The following HNF4G variants were observed in gnomAD, a reference collection of about 807,000 sequenced individuals.
HNF4G encodes hepatocyte nuclear factor 4-gamma.
HNF4G carries 21 observed loss-of-function variants against 50.9 expected under a neutral mutation model. The ratio of observed to expected loss-of-function variants is 0.41; its 90% CI spans 0.29 to 0.59. The LOEUF is 0.59. Among genes scored for constraint, HNF4G ranks in the 20% least tolerant of loss-of-function variants. HNF4G has a pLI of 0.26. For synonymous variants in HNF4G, 198 were observed against 185.6 expected (o/e 1.07, Z -0.54); for missense variants, 527 against 559.4 (o/e 0.94, Z 0.58).
chr8:75,519,011 A>G (rs1040779080), intron 2 of HNF4G, among the ~76,000 whole-genome samples: 1 of 152,164 alleles, frequency 6.6e-6, no homozygotes, highest in Non-Finnish European at 1.5e-5. Flanking sequence ...ATCTTTTTGA[A>G]TACATAAAAC....
chr8:75,422,233 G>A (rs1810792176), intron 1 of HNF4G, among the ~76,000 whole-genome samples: 1 of 152,112 alleles, frequency 6.6e-6, no homozygotes, highest in Non-Finnish European at 1.5e-5. Flanking sequence ...AATAATAATA[G>A]CTCTGTTGAA....
chr8:75,455,659 C>T (rs1811702532), intron 1 of HNF4G, among the ~76,000 whole-genome samples: 1 of 152,078 alleles, frequency 6.6e-6, no homozygotes, highest in African/African-American at 2.4e-5. Context: ...TTTGATTTTG[C>T]AGACACTCCA....
At chr8:75,414,688 T>C (rs943643889) in intron 1 of HNF4G, among the ~76,000 whole-genome samples, 8 of 152,264 alleles carry the variant, frequency 5.3e-5, no homozygotes, top group African/African-American at 1.7e-4. Flanking sequence ...TGTAATTATT[T>C]TGATATGCAT....
chr8:75,560,943 C>T (rs13281058), intron 9 of HNF4G, among the ~76,000 whole-genome samples: 11,820 of 152,138 alleles, frequency 0.078, 476 homozygotes, highest in Middle Eastern at 0.12. Context: ...AGTTGGTACA[C>T]TGTAATTAAA....
rs1812535037 is a variant in HNF4G at position 75,488,064 on chromosome 8, A to C, written c.-143-2025A>C. ...CCTCCCACCAGATCCCTCCCATGAC[A>C]TGTGGGGATTATGAAAACTACAATT... On this transcript the variant is annotated intron_variant, in intron 1 of 10. Coordinates refer to the HNF4G transcript ENST00000354370. Among the ~76,000 whole-genome samples the C allele has an allele frequency of 2.0e-5, 3 of 152,170 alleles. No individual in the cohort carries two copies. In the South Asian group the frequency reaches 6.2e-4, roughly 32 times the overall value.
chr8:75,504,939 G>T (rs1813036860), intron 2 of HNF4G, among the ~76,000 whole-genome samples: 1 of 152,028 alleles, frequency 6.6e-6, no homozygotes. Context: ...TATTTGATGG[G>T]ACAAGAGAGG....
chr8:75,504,837 AT>A (rs1417030072), intron 2 of HNF4G, among the ~76,000 whole-genome samples: 2 of 152,108 alleles, frequency 1.3e-5, no homozygotes, highest in Non-Finnish European at 2.9e-5. Flanking sequence ...TAACCCTGGG[AT>A]TTTATACAGT....
intron 2 of HNF4G, among the ~76,000 whole-genome samples, chr8:75,509,043 G>C (rs570638258): frequency 6.6e-6 from 1 of 152,200 alleles, no homozygotes; most frequent in South Asian, 2.1e-4. Context: ...AAATGTGTCC[G>C]AAGAGGGTGA....
At chr8:75,551,834 C>T (rs1333095033) in intron 4 of HNF4G, among the ~76,000 whole-genome samples, 2 of 152,122 alleles carry the variant, frequency 1.3e-5, no homozygotes, top group Non-Finnish European at 2.9e-5. Context: ...AACCAGCTAC[C>T]ACAACTTTTG....
chr8:75,542,453 C>T (rs1399651008), intron 1 of HNF4G, among the ~76,000 whole-genome samples: 6 of 146,184 alleles, frequency 4.1e-5, no homozygotes, highest in South Asian at 4.3e-4. Context: ...CTCAAAGAAA[C>T]GTTTAGGGAG....
chr8:75,531,914 T>C (rs1209848034), intron 2 of HNF4G, among the ~76,000 whole-genome samples: 1 of 152,088 alleles, frequency 6.6e-6, no homozygotes, highest in Non-Finnish European at 1.5e-5. Flanking sequence ...ACCAAATAAA[T>C]TGGAATTTCT....
chr8:75,454,175 G>A (rs1374194710), intron 1 of HNF4G, among the ~76,000 whole-genome samples: 1 of 149,320 alleles, frequency 6.7e-6, no homozygotes, highest in African/African-American at 2.5e-5. Context: ...ACAGCAAGAA[G>A]GCAACTATCA....
chr8:75,551,565 T>C, intron 4 of HNF4G, 71 bp downstream of exon 4: 1 of 882,974 alleles, frequency 1.1e-6, no homozygotes, highest in Non-Finnish European at 1.9e-6. Context: ...CATGCTAAAA[T>C]AATCTAAGTT....
intron 3 of HNF4G, among the ~76,000 whole-genome samples, chr8:75,548,501 G>A (rs760962721): frequency 1.3e-5 from 2 of 151,812 alleles, no homozygotes; most frequent in Non-Finnish European, 2.9e-5. Context: ...GTATTATATC[G>A]AGGGACCGAG....
chr8:75,453,902 A>G (rs924231801), intron 1 of HNF4G, among the ~76,000 whole-genome samples: 14 of 152,124 alleles, frequency 9.2e-5, no homozygotes, highest in Admixed American at 5.9e-4. Context: ...TCCCAAATTT[A>G]TATGTTAAAG....
chr8:75,417,819 A>G (rs1810677864), intron 1 of HNF4G, among the ~76,000 whole-genome samples: 1 of 152,218 alleles, frequency 6.6e-6, no homozygotes, highest in Non-Finnish European at 1.5e-5. Flanking sequence ...TTTTAATTGA[A>G]ACTAATTTAT....
chr8:75,497,199 T>A (rs1207250453), intron 2 of HNF4G, among the ~76,000 whole-genome samples: 2 of 152,100 alleles, frequency 1.3e-5, no homozygotes, highest in Non-Finnish European at 2.9e-5. Flanking sequence ...GTGTTTGTGT[T>A]CGTGTTTGTG....
chr8:75,428,203 G>A (rs1461706204), intron 1 of HNF4G, among the ~76,000 whole-genome samples: 1 of 152,106 alleles, frequency 6.6e-6, no homozygotes. Flanking sequence ...TCTAGACCTA[G>A]CAGGTGGGTG....
chr8:75,472,665 G>T (rs761972863), intron 1 of HNF4G, among the ~76,000 whole-genome samples: 1 of 151,904 alleles, frequency 6.6e-6, no homozygotes, highest in Non-Finnish European at 1.5e-5. Context: ...GATGAGGAAA[G>T]TAAAGTAGTA....
Sources: gnomAD v4.1 joint callset for allele counts (sites outside exome capture counted in the v4.1 genomes callset) on GRCh38, gnomAD v4.1.1 for gene constraint, MANE v1.5 for transcripts, NCBI Gene and HGNC (gene_info 2026-07-23, HGNC 2026-07-21) for gene names.